Variants in MRFAP1L2 observed in about 807,000 individuals in gnomAD.
MRFAP1L2 encodes the protein MORF4 family-associated protein 1-like protein UPP.
At chr4:6,674,245 G>T in the MRFAP1L2 span, 1 of 419,382 alleles carries the variant, frequency 2.4e-6, no homozygotes, top group South Asian at 6.4e-5. Context: ...AGGCGCGGGA[G>T]CCCCGCGAGG....
the MRFAP1L2 span, chr4:6,674,545 G>A: frequency 1.5e-6 from 1 of 663,794 alleles, no homozygotes; most frequent in South Asian, 1.5e-5. Context: ...AGCTGCACCA[G>A]CGGATCGCCG....
chr4:6,674,867 T>A, the MRFAP1L2 span: 4 of 340,686 alleles, frequency 1.2e-5, no homozygotes, highest in Non-Finnish European at 2.1e-5. Context: ...TTGGAGCGTT[T>A]GCGATGACCT....
the MRFAP1L2 span, chr4:6,675,932 T>C: frequency 6.6e-6 from 1 of 152,218 alleles, no homozygotes; most frequent in Admixed American, 6.5e-5. Flanking sequence ...TATGATAAAT[T>C]TCATTTGCTT....
chr4:6,674,265 G>T, the MRFAP1L2 span: 4 of 460,084 alleles, frequency 8.7e-6, no homozygotes, highest in African/African-American at 2.1e-5. Context: ...GAGCCGGGCA[G>T]CCCGCTGAGC....
chr4:6,675,646 A>T, the MRFAP1L2 span: 1 of 152,194 alleles, frequency 6.6e-6, no homozygotes, highest in Non-Finnish European at 1.5e-5. Context: ...ATGGCATGTT[A>T]ACTGGTGCAC....
At chr4:6,674,558 T>G in the MRFAP1L2 span, 1 of 658,976 alleles carries the variant, frequency 1.5e-6, no homozygotes, top group South Asian at 1.6e-5. Flanking sequence ...GATCGCCGGC[T>G]GCGAGTGCTG....
the MRFAP1L2 span, chr4:6,674,587 G>T: frequency 1.6e-6 from 1 of 630,610 alleles, no homozygotes; most frequent in East Asian, 3.3e-5. Flanking sequence ...GCGAGGCCGC[G>T]CGGGTCTGGA....
At chr4:6,674,144 G>C in the MRFAP1L2 span, 1 of 386,606 alleles carries the variant, frequency 2.6e-6, no homozygotes, top group Non-Finnish European at 4.6e-6. Context: ...TGGTGACAGC[G>C]AGGCTTCCGC....
chr4:6,675,109 A>G, the MRFAP1L2 span: 1 of 152,388 alleles, frequency 6.6e-6, no homozygotes, highest in Admixed American at 6.5e-5. Context: ...TTTTCTCCAC[A>G]TTAGCCACTC....
At chr4:6,674,141 A>G in the MRFAP1L2 span, 2 of 386,546 alleles carry the variant, frequency 5.2e-6, no homozygotes, top group East Asian at 7.4e-5. Context: ...CGTTGGTGAC[A>G]GCGAGGCTTC....
the MRFAP1L2 span, chr4:6,675,537 C>T: frequency 6.6e-6 from 1 of 152,186 alleles, no homozygotes; most frequent in Non-Finnish European, 1.5e-5. Context: ...ATTTGAGGAC[C>T]TCTGCAGACC....
At chr4:6,674,993 G>A in the MRFAP1L2 span, 1 of 157,644 alleles carries the variant, frequency 6.3e-6, no homozygotes, top group Admixed American at 6.5e-5. Flanking sequence ...TGTACTTTAG[G>A]TGGCCAACTG....
the MRFAP1L2 span, chr4:6,675,993 A>G: frequency 1.3e-5 from 2 of 152,264 alleles, no homozygotes; most frequent in African/African-American, 2.4e-5. Flanking sequence ...GCAGATGACC[A>G]AAGCAATTGA....
the MRFAP1L2 span, chr4:6,674,731 T>C: frequency 2.9e-5 from 15 of 523,378 alleles, no homozygotes; most frequent in East Asian, 7.0e-5. Context: ...TAATTTGATA[T>C]GTTGTTGTAA....
the MRFAP1L2 span, chr4:6,674,419 C>T: frequency 4.4e-5 from 29 of 653,058 alleles, no homozygotes; most frequent in African/African-American, 4.4e-4. Context: ...AGGAGCGGGG[C>T]GCCCGGGCCC....
At chr4:6,674,219 C>G in the MRFAP1L2 span, 2 of 403,698 alleles carry the variant, frequency 5.0e-6, no homozygotes, top group Non-Finnish European at 8.7e-6. Flanking sequence ...CGTGATGCGG[C>G]CCGTGGACGC....
At chr4:6,674,980 A>C in the MRFAP1L2 span, 1 of 160,872 alleles carries the variant, frequency 6.2e-6, no homozygotes, top group East Asian at 1.8e-4. Context: ...AATTTCTCCC[A>C]CTTGTACTTT....
At chr4:6,674,600 G>C in the MRFAP1L2 span, 1 of 604,154 alleles carries the variant, frequency 1.7e-6, no homozygotes, top group Non-Finnish European at 2.9e-6. Context: ...GGTCTGGAGC[G>C]GAGCGCGGCG....
chr4:6,675,924 T>C, the MRFAP1L2 span: 8 of 152,372 alleles, frequency 5.3e-5, no homozygotes, highest in South Asian at 2.1e-4. Flanking sequence ...TGTCTTGTTA[T>C]GATAAATTTC....
Sources: allele counts gnomAD v4.1 joint callset, GRCh38; gene constraint gnomAD v4.1.1; transcripts MANE v1.5; gene names NCBI Gene and HGNC (gene_info 2026-07-23, HGNC 2026-07-21).